NPAS3: variants seen among roughly 807,000 people sequenced by gnomAD.
The protein encoded by NPAS3 is neuronal PAS domain protein 3, also known as neuronal PAS domain-containing protein 3.
NPAS3 carries 14 observed loss-of-function variants against 73.1 expected under a neutral mutation model. That is an observed-to-expected ratio of 0.19 (90% CI 0.13 to 0.30). The LOEUF (loss-of-function observed/expected upper bound fraction) is 0.30. Among genes scored for constraint, NPAS3 ranks in the 10% least tolerant of loss-of-function variants. The pLI, the probability that NPAS3 is intolerant of heterozygous loss-of-function variation, is 1.00. For synonymous variants in NPAS3, 620 were observed against 541.5 expected (o/e 1.14, Z -2.01); for missense variants, 1,096 against 1,250.0 (o/e 0.88, Z 1.86).
chr14:33,077,774 G>GTTTTTTTGT (rs564894506), intron 2 of NPAS3, among the ~76,000 whole-genome samples: 3 of 87,470 alleles, frequency 3.4e-5, no homozygotes, highest in African/African-American at 1.2e-4. Context: ...TGCAGTAAGG[G>GTTTTTTTGT]TTTTTTTTTT....
At chr14:33,005,838 G>C (rs1205365346) in intron 1 of NPAS3, among the ~76,000 whole-genome samples, 2 of 152,126 alleles carry the variant, frequency 1.3e-5, no homozygotes, top group Admixed American at 1.3e-4. Flanking sequence ...CTTTGAACAA[G>C]GATATTCTTT....
chr14:33,016,235 C>T (rs2039387325), intron 1 of NPAS3, among the ~76,000 whole-genome samples: 1 of 152,084 alleles, frequency 6.6e-6, no homozygotes, highest in Non-Finnish European at 1.5e-5. Context: ...ATTTAGGCAG[C>T]AGATTTTTAA....
At chr14:33,320,574 A>G (rs2043399541) in intron 3 of NPAS3, among the ~76,000 whole-genome samples, 1 of 152,152 alleles carries the variant, frequency 6.6e-6, no homozygotes, top group Non-Finnish European at 1.5e-5. Context: ...TCTGAGGCAA[A>G]AAGGAGAATG....
intron 3 of NPAS3, among the ~76,000 whole-genome samples, chr14:33,228,985 C>T (rs192162414): frequency 3.9e-5 from 6 of 152,094 alleles, no homozygotes; most frequent in Admixed American, 2.6e-4. Flanking sequence ...TTTAGATATC[C>T]GTTGGTGTTG....
At chr14:33,086,025 C>T (rs1167126732) in intron 2 of NPAS3, among the ~76,000 whole-genome samples, 3 of 152,086 alleles carry the variant, frequency 2.0e-5, no homozygotes, top group Non-Finnish European at 2.9e-5. Context: ...AACATGCTTT[C>T]CACACACTCC....
chr14:33,698,682 G>A (rs746651902), intron 6 of NPAS3, among the ~76,000 whole-genome samples: 1 of 152,116 alleles, frequency 6.6e-6, no homozygotes, highest in African/African-American at 2.4e-5. Flanking sequence ...CCCTTCCTCA[G>A]ACAGGTTTCA....
At chr14:33,516,942 T>G (rs570400236) in intron 4 of NPAS3, among the ~76,000 whole-genome samples, 226 of 152,186 alleles carry the variant, frequency 1.5e-3, no homozygotes, top group African/African-American at 5.2e-3. Flanking sequence ...TCCCTCTGCA[T>G]TCTGTATCTA....
At chr14:33,483,451 G>A (rs1483950965) in intron 4 of NPAS3, among the ~76,000 whole-genome samples, 1 of 152,148 alleles carries the variant, frequency 6.6e-6, no homozygotes, top group Admixed American at 6.5e-5. Flanking sequence ...AGAGAACCAC[G>A]AAATGCGTCT....
intron 8 of NPAS3, among the ~76,000 whole-genome samples, chr14:33,776,453 G>A (rs950776834): frequency 2.9e-5 from 4 of 138,296 alleles, no homozygotes; most frequent in Non-Finnish European, 6.1e-5. Context: ...GGACCCGAGT[G>A]CCTCATGGTG....
At chr14:33,654,206 G>T (rs2075083787) in intron 5 of NPAS3, among the ~76,000 whole-genome samples, 1 of 151,428 alleles carries the variant, frequency 6.6e-6, no homozygotes, top group African/African-American at 2.4e-5. Context: ...AAAATTTAAT[G>T]GAATATTTAA....
intron 1 of NPAS3, among the ~76,000 whole-genome samples, chr14:33,005,892 C>T (rs7141140): frequency 0.59 from 88,959 of 151,978 alleles, 27,359 homozygotes; most frequent in Non-Finnish European, 0.69. Context: ...GACCTGTGTC[C>T]TTATGATTAT....
At chr14:33,055,195 A>G (rs888154319) in intron 1 of NPAS3, among the ~76,000 whole-genome samples, 2 of 152,208 alleles carry the variant, frequency 1.3e-5, no homozygotes, top group Non-Finnish European at 2.9e-5. Context: ...TTTTATGTCT[A>G]TATAATGCAA....
At chr14:33,510,509 C>T (rs1024274581) in intron 4 of NPAS3, among the ~76,000 whole-genome samples, 1 of 151,984 alleles carries the variant, frequency 6.6e-6, no homozygotes, top group African/African-American at 2.4e-5. Context: ...TTGAAAAGGA[C>T]ATACAATTCC....
chr14:33,246,659 G>A (rs1220295342), intron 3 of NPAS3, among the ~76,000 whole-genome samples: 1 of 150,834 alleles, frequency 6.6e-6, no homozygotes, highest in Admixed American at 6.6e-5. Context: ...TCTAGTCTTT[G>A]GAAGAGAATG....
At chr14:33,432,091 A>G (rs969655679) in intron 4 of NPAS3, among the ~76,000 whole-genome samples, 9 of 152,190 alleles carry the variant, frequency 5.9e-5, no homozygotes, top group Non-Finnish European at 2.9e-5. Flanking sequence ...CTTTTCTTGT[A>G]TAGGTACATC....
chr14:33,766,653 T>C (rs973293238), intron 7 of NPAS3, among the ~76,000 whole-genome samples: 6 of 152,150 alleles, frequency 3.9e-5, no homozygotes, highest in African/African-American at 1.4e-4. Context: ...CTTACTTCTG[T>C]CTAATATTGA....
intron 5 of NPAS3, among the ~76,000 whole-genome samples, chr14:33,659,251 G>A (rs908485675): frequency 6.6e-6 from 1 of 152,214 alleles, no homozygotes; most frequent in African/African-American, 2.4e-5. Flanking sequence ...CAGGAAGGTA[G>A]ATGCCATTAT....
intron 3 of NPAS3, among the ~76,000 whole-genome samples, chr14:33,254,850 G>A (rs1037119367): frequency 2.0e-5 from 3 of 151,906 alleles, no homozygotes; most frequent in Non-Finnish European, 4.4e-5. Context: ...GTATGTATGA[G>A]GAAAACTCTT....
At chr14:33,325,572 A>G (rs1428635073) in intron 3 of NPAS3, among the ~76,000 whole-genome samples, 2 of 150,548 alleles carry the variant, frequency 1.3e-5, no homozygotes, top group East Asian at 3.9e-4. Flanking sequence ...CTTGAAACCC[A>G]GGAGGTGGAG....
Sources: allele counts gnomAD v4.1 joint callset (sites outside exome capture counted in the v4.1 genomes callset), GRCh38; gene constraint gnomAD v4.1.1; transcripts MANE v1.5; gene names NCBI Gene and HGNC (gene_info 2026-07-23, HGNC 2026-07-21).